UBE2D2: variants seen among roughly 807,000 people sequenced by gnomAD.
The protein encoded by UBE2D2 is ubiquitin conjugating enzyme E2 D2.
In UBE2D2, 2 loss-of-function variants were observed where a neutral mutation model predicts 24.2. The ratio of observed to expected loss-of-function variants is 0.08; its 90% confidence interval spans 0.03 to 0.26. The LOEUF is 0.26. UBE2D2 is among the 10% of genes least tolerant of loss of function. The pLI is 1.00. For missense variants in UBE2D2, 44 were observed against 177.6 expected, an observed-to-expected ratio of 0.25 and a Z score of 4.28; for synonymous variants, 58 against 56.5, an observed-to-expected ratio of 1.03 and a Z score of -0.12.
intron 1 of UBE2D2, among the ~76,000 whole-genome samples, chr5:139,566,553 T>C (rs1753223998): frequency 6.6e-6 from 1 of 151,974 alleles, no homozygotes; most frequent in Non-Finnish European, 1.5e-5. Context: ...TGGATGGCTG[T>C]AGTCCCAGCT....
chr5:139,576,967 AT>A (rs57930268), intron 1 of UBE2D2, among the ~76,000 whole-genome samples: 1,775 of 96,696 alleles, frequency 0.018, 24 homozygotes, highest in African/African-American at 0.053. Context: ...TTTAACTTGA[AT>A]TTTTTTTTTT....
chr5:139,548,851 T>A (rs1328014773), intron 1 of UBE2D2, among the ~76,000 whole-genome samples: 1 of 149,008 alleles, frequency 6.7e-6, no homozygotes, highest in Non-Finnish European at 1.5e-5. Flanking sequence ...TGGTTCTTTT[T>A]TTTTTCTTTT....
intron 1 of UBE2D2, among the ~76,000 whole-genome samples, chr5:139,588,417 A>G (rs1753779952): frequency 6.6e-6 from 1 of 152,168 alleles, no homozygotes; most frequent in Non-Finnish European, 1.5e-5. Context: ...CTGGGGCTAC[A>G]GGAATGTGCC....
intron 1 of UBE2D2, among the ~76,000 whole-genome samples, chr5:139,555,639 A>G (rs1017359434): frequency 2.6e-5 from 4 of 152,126 alleles, no homozygotes; most frequent in African/African-American, 9.7e-5. Flanking sequence ...AAGAATCTAG[A>G]AAAACGGCCA....
At chr5:139,587,978 C>G (rs1417060204) in intron 1 of UBE2D2, among the ~76,000 whole-genome samples, 1 of 152,122 alleles carries the variant, frequency 6.6e-6, no homozygotes, top group African/African-American at 2.4e-5. Flanking sequence ...GTCACCTTCC[C>G]AGCTAGGCTT....
chr5:139,615,045 A>T, intron 5 of UBE2D2, 79 bp downstream of exon 5: 1 of 1,323,672 alleles, frequency 7.6e-7, no homozygotes, highest in East Asian at 2.4e-5. Flanking sequence ...TGAAAAGATT[A>T]CTTATGTTTC....
chr5:139,624,202 A>G (rs144941272), intron 6 of UBE2D2, among the ~76,000 whole-genome samples: 2 of 152,344 alleles, frequency 1.3e-5, no homozygotes, highest in African/African-American at 4.8e-5. Flanking sequence ...TTCTTTTAAA[A>G]ACAAAACTTG....
Position 139,623,391 on chromosome 5 carries a change from T to C in UBE2D2, c.328T>C (p.Leu110=), listed in dbSNP as rs61760192. The change falls in exon 6 of 7, where the codon TTG becomes CTG. Residue 110 remains leucine, a synonymous_variant. Transcript: ENST00000398733. ...AGTACTCTTGTCCATCTGTTCTCTGTTGTGTGATCCCAATCCAGATGATCC... is the reference window on the plus strand; with the variant it reads ...AGTACTCTTGTCCATCTGTTCTCTGCTGTGTGATCCCAATCCAGATGATCC... ...SKVLLSICSL[L]CDPNPDDPLV... The C allele has an allele frequency of 8.7e-3, 13,957 of 1,604,954 alleles. 84 individuals carry two copies. Among genetic ancestry groups the C allele is most frequent in the Non-Finnish European group, 0.011 (12,588 of 1,172,870 alleles).
chr5:139,535,588 G>A (rs1002683148), intron 1 of UBE2D2, among the ~76,000 whole-genome samples: 4 of 151,310 alleles, frequency 2.6e-5, no homozygotes, highest in Non-Finnish European at 5.9e-5. Context: ...GAGATCACAC[G>A]ACTGCACTCC....
chr5:139,622,251 A>T (rs1754525414), intron 5 of UBE2D2, among the ~76,000 whole-genome samples: 1 of 151,436 alleles, frequency 6.6e-6, no homozygotes, highest in Non-Finnish European at 1.5e-5. Flanking sequence ...TATTATAATT[A>T]TTATTTTTTG....
intron 5 of UBE2D2, among the ~76,000 whole-genome samples, chr5:139,622,437 G>A (rs1280436865): frequency 6.6e-6 from 1 of 150,402 alleles, no homozygotes; most frequent in East Asian, 2.0e-4. Context: ...TAGAGATGGG[G>A]TTTTACCATG....
At chr5:139,535,091 G>T (rs1752650367) in intron 1 of UBE2D2, among the ~76,000 whole-genome samples, 1 of 151,792 alleles carries the variant, frequency 6.6e-6, no homozygotes, top group Non-Finnish European at 1.5e-5. Context: ...AGTGAACCAA[G>T]ATCTCATGCC....
intron 1 of UBE2D2, among the ~76,000 whole-genome samples, chr5:139,537,790 C>G (rs936191290): frequency 1.1e-4 from 16 of 151,714 alleles, no homozygotes; most frequent in Admixed American, 9.2e-4. Flanking sequence ...CGGTGAGACC[C>G]CTTCTCTACT....
chr5:139,616,919 T>C (rs1754433096), intron 5 of UBE2D2, among the ~76,000 whole-genome samples: 1 of 152,178 alleles, frequency 6.6e-6, no homozygotes, highest in African/African-American at 2.4e-5. Flanking sequence ...TAGTGGTTCA[T>C]GCCTGTAATC....
intron 1 of UBE2D2, among the ~76,000 whole-genome samples, chr5:139,589,487 G>A (rs556526853): frequency 6.6e-6 from 1 of 152,248 alleles, no homozygotes; most frequent in South Asian, 2.1e-4. Context: ...TTAAACCTGG[G>A]AGGTGGAGGT....
chr5:139,580,841 C>G (rs986652726), intron 1 of UBE2D2, among the ~76,000 whole-genome samples: 2 of 152,090 alleles, frequency 1.3e-5, no homozygotes, highest in Non-Finnish European at 2.9e-5. Flanking sequence ...ATTGCATGAG[C>G]GTAGTTTAAG....
At position 139,531,625 on chromosome 5, in the gene UBE2D2, C is replaced by CAAAAAAAAAAAA. The variant is rs112323447; in HGVS notation, c.-64+5015_-64+5026dup. 1.6e-3 allele frequency among the ~76,000 whole-genome samples: 157 copies of CAAAAAAAAAAAA among 97,266 alleles called. 1 individual carries two copies. The highest frequency in any genetic ancestry group is 5.4e-3 in the African/African-American group (139 of 25,640). The allele number at this position is 97,266 out of a possible 152,430, so 63.8% of individuals were successfully genotyped here. On this transcript the variant is annotated intron_variant, in intron 1 of 6. Transcript: ENST00000511725. Reference sequence around the variant, plus strand: ...TTGGGTGACAGAGTGAGACCCTATCCAAAAAAAAAAAAAGAAAGAAAAAGA... The same window carrying CAAAAAAAAAAAA: ...TTGGGTGACAGAGTGAGACCCTATCCAAAAAAAAAAAAAAAAAAAAAAAAAGAAAGAAAAAGA...
intron 1 of UBE2D2, chr5:139,554,896 T>A: frequency 6.6e-6 from 1 of 152,344 alleles, no homozygotes. Context: ...CGTGATTTTT[T>A]TTTTTAAGGC....
intron 1 of UBE2D2, among the ~76,000 whole-genome samples, chr5:139,532,504 A>C (rs1752609763): frequency 6.6e-6 from 1 of 151,980 alleles, no homozygotes; most frequent in Non-Finnish European, 1.5e-5. Flanking sequence ...GGTGCCCGAC[A>C]TCACACCCGG....
Sources: allele counts gnomAD v4.1 joint callset (sites outside exome capture counted in the v4.1 genomes callset), GRCh38; gene constraint gnomAD v4.1.1; transcripts MANE v1.5; gene names NCBI Gene and HGNC (gene_info 2026-07-23, HGNC 2026-07-21).